The following SH2D4A variants were observed in gnomAD, a reference collection of about 807,000 sequenced individuals.
The protein encoded by SH2D4A is SH2 domain containing 4A.
Under a neutral mutation model 64.7 loss-of-function variants are expected in SH2D4A, and 70 were observed. The observed-to-expected ratio is 1.08, with a 90% CI of 0.89 to 1.32. The LOEUF is 1.32. Ranked by LOEUF, SH2D4A falls within the 40% of genes most tolerant of loss-of-function variation. SH2D4A has a pLI of 0.00. For synonymous variants in SH2D4A, 268 were observed against 200.7 expected (o/e 1.34, Z -2.83); for missense variants, 706 against 540.1 (o/e 1.31, Z -3.04).
At chr8:19,366,265 A>T (rs889130989) in intron 7 of SH2D4A, among the ~76,000 whole-genome samples, 6 of 152,202 alleles carry the variant, frequency 3.9e-5, no homozygotes, top group African/African-American at 1.2e-4. Context: ...TATAACTCAC[A>T]TATGAATCAC....
At chr8:19,328,008 G>T (rs1329656060) in intron 2 of SH2D4A, among the ~76,000 whole-genome samples, 1 of 152,134 alleles carries the variant, frequency 6.6e-6, no homozygotes, top group Non-Finnish European at 1.5e-5. Context: ...CAGCAACATG[G>T]CAGGACATTC....
At chr8:19,376,457 A>C (rs1007205844) in intron 8 of SH2D4A, among the ~76,000 whole-genome samples, 5 of 152,042 alleles carry the variant, frequency 3.3e-5, no homozygotes, top group Non-Finnish European at 5.9e-5. Flanking sequence ...CCCAATCTCT[A>C]CTAAAAATAC....
chr8:19,315,549 A>C (rs1474870735), intron 1 of SH2D4A, among the ~76,000 whole-genome samples: 2 of 152,264 alleles, frequency 1.3e-5, no homozygotes, highest in Non-Finnish European at 2.9e-5. Flanking sequence ...TGTGAGAATC[A>C]GGCCAAATCT....
At chr8:19,324,489 G>A (rs908359779) in intron 2 of SH2D4A, among the ~76,000 whole-genome samples, 1 of 152,142 alleles carries the variant, frequency 6.6e-6, no homozygotes, top group African/African-American at 2.4e-5. Context: ...CTCACTGCAT[G>A]CAGTAGGGCT....
chr8:19,313,901 G>C, intron 1 of SH2D4A, 78 bp downstream of exon 1: 2 of 1,367,594 alleles, frequency 1.5e-6, no homozygotes, highest in South Asian at 3.4e-5. Flanking sequence ...TTTCCTCGGA[G>C]GTTGCATGGG....
intron 4 of SH2D4A, among the ~76,000 whole-genome samples, chr8:19,339,715 G>C (rs1188910429): frequency 6.6e-6 from 1 of 151,918 alleles, no homozygotes; most frequent in East Asian, 1.9e-4. Flanking sequence ...TGCCCAGGCT[G>C]GTCTTAAACT....
chr8:19,374,453 A>C (rs765333903), intron 8 of SH2D4A, among the ~76,000 whole-genome samples: 3 of 152,150 alleles, frequency 2.0e-5, no homozygotes, highest in Non-Finnish European at 4.4e-5. Flanking sequence ...CCCCTCCCAG[A>C]GTATGTTTGT....
chr8:19,365,381 T>C (rs947096625), intron 7 of SH2D4A, among the ~76,000 whole-genome samples: 4 of 152,198 alleles, frequency 2.6e-5, no homozygotes, highest in Non-Finnish European at 5.9e-5. Context: ...GATTCTTCTC[T>C]TACCGACAAC....
At chr8:19,323,025 A>T (rs192904799) in intron 2 of SH2D4A, among the ~76,000 whole-genome samples, 68 of 152,238 alleles carry the variant, frequency 4.5e-4, no homozygotes, top group Non-Finnish European at 7.6e-4. Context: ...CTGAAAAACT[A>T]TCAGCATGTG....
In SH2D4A at chr8:19,377,911, C is replaced by A. The variant is rs558141990; in HGVS notation, c.1048+4251C>A. On this transcript the variant is annotated intron_variant, in intron 8 of 9. Transcript: ENST00000265807. ...CTACATGCCCACGAAACTGATTATA[C>A]CAGTATATACTCCTACCAGCTGTAC... is the stretch of plus-strand genomic sequence containing the variant. Among the ~76,000 whole-genome samples the A allele has an allele frequency of 2.0e-5, 3 of 152,230 alleles. No homozygotes were observed. In the East Asian group the frequency reaches 5.8e-4, roughly 29 times the overall value.
At chr8:19,315,850 G>A (rs907812374) in intron 1 of SH2D4A, among the ~76,000 whole-genome samples, 1 of 152,148 alleles carries the variant, frequency 6.6e-6, no homozygotes, top group Non-Finnish European at 1.5e-5. Flanking sequence ...TTCTACCCTG[G>A]CTCCACCAGG....
chr8:19,346,671 C>G (rs998681039), intron 4 of SH2D4A, among the ~76,000 whole-genome samples: 8 of 152,126 alleles, frequency 5.3e-5, no homozygotes, highest in African/African-American at 1.9e-4. Flanking sequence ...GGAACTGGGG[C>G]AGTAAGGGAT....
chr8:19,366,511 A>T (rs980879052), intron 7 of SH2D4A, among the ~76,000 whole-genome samples: 8 of 152,066 alleles, frequency 5.3e-5, no homozygotes, highest in African/African-American at 1.7e-4. Context: ...TATAAGATCA[A>T]CCTGGCTGGG....
At chr8:19,348,153 C>T (rs945342900) in intron 4 of SH2D4A, among the ~76,000 whole-genome samples, 7 of 152,180 alleles carry the variant, frequency 4.6e-5, no homozygotes, top group East Asian at 1.9e-4. Flanking sequence ...TGGAGTGCCA[C>T]GGTGCAATAA....
At chr8:19,367,205 A>G (rs145743972) in intron 7 of SH2D4A, among the ~76,000 whole-genome samples, 3 of 152,314 alleles carry the variant, frequency 2.0e-5, no homozygotes, top group East Asian at 1.9e-4. Flanking sequence ...TAGTGCTGCA[A>G]TAAACATGGG....
chr8:19,349,944 C>T (rs944762246), intron 4 of SH2D4A, among the ~76,000 whole-genome samples: 1 of 152,050 alleles, frequency 6.6e-6, no homozygotes, highest in African/African-American at 2.4e-5. Context: ...CCTCAAGTGA[C>T]CTGCCCACCT....
chr8:19,360,309 T>TTC (rs1563200780), intron 5 of SH2D4A, among the ~76,000 whole-genome samples: 2 of 151,772 alleles, frequency 1.3e-5, no homozygotes, highest in African/African-American at 4.8e-5. Context: ...TTTTTTTTTT[T>TTC]TGAAACAAAA....
At chr8:19,334,914 T>C (rs1585154635) in intron 4 of SH2D4A, 57 bp downstream of exon 4, 2 of 1,533,694 alleles carry the variant, frequency 1.3e-6, no homozygotes, top group African/African-American at 2.8e-5. Context: ...GAAAAAGCTA[T>C]TGAGGCCACA....
At chr8:19,383,029 T>C (rs1402723174) in intron 8 of SH2D4A, among the ~76,000 whole-genome samples, 1 of 152,012 alleles carries the variant, frequency 6.6e-6, no homozygotes, top group African/African-American at 2.4e-5. Context: ...GATTGTATTA[T>C]GTGTCAGTGT....
Sources: allele counts gnomAD v4.1 joint callset (sites outside exome capture counted in the v4.1 genomes callset), GRCh38; gene constraint gnomAD v4.1.1; transcripts MANE v1.5; gene names NCBI Gene and HGNC (gene_info 2026-07-23, HGNC 2026-07-21).